ASTE1: variants seen among roughly 807,000 people sequenced by gnomAD.
ASTE1 encodes asteroid structure-specific endonuclease 1, also known as single-strand DNA endonuclease ASTE1.
A neutral mutation model predicts 45.8 loss-of-function variants in ASTE1; 49 were observed. The observed-to-expected ratio is 1.07, with a 90% confidence interval of 0.85 to 1.36. ASTE1 has a LOEUF of 1.36. Ranked by LOEUF, ASTE1 falls within the 40% of genes most tolerant of loss-of-function variation. The probability of loss-of-function intolerance (pLI) is 0.00; values close to 1 mark genes in which losing one functional copy is unlikely to be tolerated. For synonymous variants in ASTE1, 296 were observed against 303.9 expected (o/e 0.97, Z 0.27); for missense variants, 709 against 804.0 (o/e 0.88, Z 1.43).
rs745757966 is a variant in ASTE1 at position 131,018,622 on chromosome 3, A to G, written c.1397T>C (p.Ile466Thr). 6 of 1,614,030 alleles carry G rather than the reference A, an allele frequency of 3.7e-6. No individual in the cohort carries two copies. The highest frequency in any genetic ancestry group is 2.2e-5 in the East Asian group (1 of 44,864). Residue 466 changes from isoleucine to threonine, a missense_variant, in exon 4 of 6, where the codon ATT becomes ACT. Physicochemically the swap from Ile to Thr is moderately conservative, Grantham distance 89. Transcript: ENST00000264992. ...CTGCAACCAGTAGCAACTGACAGCAATGGGCAACTTCAGTGAAGTAGGGAT... is the reference window on the plus strand; with the variant it reads ...CTGCAACCAGTAGCAACTGACAGCAGTGGGCAACTTCAGTGAAGTAGGGAT... ...EPIPTSLKLP[I>T]AVSCYWLQHT...
At chr3:131,020,333 C>G (rs2063725360) in intron 3 of ASTE1, among the ~76,000 whole-genome samples, 1 of 152,220 alleles carries the variant, frequency 6.6e-6, no homozygotes, top group East Asian at 1.9e-4. Context: ...GTGACAACTA[C>G]TTTCCCTCTT....
chr3:131,016,860 C>T (rs763475895), intron 4 of ASTE1: 1 of 584,562 alleles, frequency 1.7e-6, no homozygotes, highest in South Asian at 1.9e-5. Context: ...GGATAAGGGG[C>T]AAGAAGCAAC....
Position 131,025,184 on chromosome 3 carries a change from G to A in ASTE1, c.123C>T (p.Phe41=), listed in dbSNP as rs777786983. 7.3e-5 allele frequency: 118 copies of A among 1,614,110 alleles called. No individual in the cohort carries two copies. Among genetic ancestry groups the A allele is most frequent in the Non-Finnish European group, 7.5e-5 (89 of 1,180,036 alleles). The change falls in exon 3 of 6, where the codon TTC becomes TTT. Residue 41 remains phenylalanine, a synonymous_variant. Transcript: ENST00000264992. ...DGYALFHRLC[F]SSNLDLRYGG... Reference sequence around the variant, plus strand: ...CATACCGGAGATCCAAGTTTGAACTGAAGCAAAGACGGTGGAAAAGAGCAT... The same window carrying A: ...CATACCGGAGATCCAAGTTTGAACTAAAGCAAAGACGGTGGAAAAGAGCAT...
chr3:131,025,477 G>T lies in ASTE1; in HGVS notation c.-29C>A. On this transcript the variant is annotated 5_prime_UTR_variant, in exon 2 of 6. Coordinates refer to ENST00000264992, the MANE Select transcript of ASTE1 (RefSeq NM_014065.4). ...TATCAACATCATAAATTCTTACCTA[G>T]ATCCTCAAGCAATGTTAGCTGTGCT... 9.1e-7 allele frequency: 1 copy of T among 1,098,122 alleles called. No individual in the cohort carries two copies. Among genetic ancestry groups the T allele is most frequent in the Non-Finnish European group, 1.2e-6 (1 of 814,044 alleles). The allele number at this position is 1,098,122 out of a possible 1,614,324, so 68.0% of individuals were successfully genotyped here.
At chr3:131,016,951 C>T in intron 4 of ASTE1, 1 of 1,267,072 alleles carries the variant, frequency 7.9e-7, no homozygotes, top group Non-Finnish European at 1.0e-6. Context: ...CACAAAATAA[C>T]ATCTGGACCA....
At position 131,014,000 on chromosome 3, in the gene ASTE1, G is replaced by T. The variant is rs1434244486; in HGVS notation, c.*57C>A. 3.1e-6 allele frequency: 4 copies of T among 1,309,138 alleles called. No homozygotes were observed. In the African/African-American group the frequency reaches 4.5e-5, roughly 15 times the overall value. 81.1% of individuals were successfully genotyped at this position (1,309,138 alleles called of 1,614,324 possible). A position where few individuals can be genotyped will look rare whatever the true frequency, so the allele number is the denominator to read the frequency against. ...AGCTAATTGTTTCAAGGGTGGTAACGGAAGAATTTTAAGTAAGGATTATAT... is the reference window on the plus strand; with the variant it reads ...AGCTAATTGTTTCAAGGGTGGTAACTGAAGAATTTTAAGTAAGGATTATAT... On this transcript the variant is annotated 3_prime_UTR_variant, in exon 6 of 6. Transcript: ENST00000264992.
At position 131,025,312 on chromosome 3, in the gene ASTE1, C is replaced by T. The variant is rs1053870330; in HGVS notation, c.-6G>A. On this transcript the variant is annotated 5_prime_UTR_variant, in exon 3 of 6. Transcript: ENST00000264992. The stretch of plus-strand genomic sequence containing the variant: ...ATTAGTCCTCGGATACCCATGATGA[C>T]AGTCTAAAGAATTAATCGCCTGTTT... The T allele has an allele frequency of 9.3e-6, 15 of 1,604,820 alleles. No individual in the cohort carries two copies. Among genetic ancestry groups the T allele is most frequent in the Non-Finnish European group, 1.1e-5 (13 of 1,174,764 alleles).
chr3:131,024,410 G>A lies in ASTE1; in HGVS notation c.897C>T (p.Tyr299=), dbSNP rs780797444. The A allele has an allele frequency of 1.2e-6, 2 of 1,614,168 alleles. No homozygotes were observed. Among genetic ancestry groups the A allele is most frequent in the Non-Finnish European group, 1.7e-6 (2 of 1,180,028 alleles). Residue 299 remains tyrosine, a synonymous_variant, in exon 3 of 6, where the codon TAC becomes TAT. Transcript: ENST00000264992. ...CCTGTAGCTTCACCTGGGACTGTTG[G>A]TATTCTTCCATGGAACAGCAGAGAA... The part of the protein sequence containing the change: ...KELLCCSMEE[Y]QQSQVKLQDF...
At chr3:131,025,920 C>G (rs2063855422) in intron 1 of ASTE1, among the ~76,000 whole-genome samples, 1 of 152,272 alleles carries the variant, frequency 6.6e-6, no homozygotes, top group South Asian at 2.1e-4. Context: ...AGGAAAACTG[C>G]TTCATGCCTC....
Position 131,015,332 on chromosome 3 carries a change from AATCT to A in ASTE1, c.1709+808_1709+811del, listed in dbSNP as rs2063562731. ...CTGAGTGGAGAGACAAACAAAACAC[AATCT>A]ATCTCCTTTTTATCTTCATCTCTCC... On this transcript the variant is annotated intron_variant, in intron 5 of 5. Transcript: ENST00000264992. 18 of 648,374 alleles carry A rather than the reference AATCT, an allele frequency of 2.8e-5. No individual in the cohort carries two copies. The South Asian group carries it at 2.9e-4, about 11-fold the overall frequency. The allele number at this position is 648,374 out of a possible 1,614,324, so 40.2% of individuals were successfully genotyped here.
chr3:131,014,494 T>C, intron 5 of ASTE1, 107 bp from the exon 6 acceptor site: 19 of 1,003,196 alleles, frequency 1.9e-5, no homozygotes, highest in Admixed American at 3.0e-5. Context: ...TGAGAGCTCT[T>C]ATTGCTCTAT....
intron 4 of ASTE1, chr3:131,017,004 C>T (rs764761653): frequency 5.4e-6 from 7 of 1,289,330 alleles, no homozygotes; most frequent in South Asian, 3.7e-5. Flanking sequence ...TACCAACTAG[C>T]GAGGAGCAAG....
intron 4 of ASTE1, among the ~76,000 whole-genome samples, chr3:131,017,210 AT>A (rs1212940584): frequency 1.6e-4 from 24 of 152,170 alleles, no homozygotes; most frequent in Non-Finnish European, 2.8e-4. Flanking sequence ...GACTTAACTG[AT>A]TTGTTTTGTG....
Position 131,016,432 on chromosome 3 carries a change from G to T in ASTE1, c.1514-93C>A, listed in dbSNP as rs867834225. On this transcript the variant is annotated intron_variant, in intron 4 of 5. Coordinates refer to ENST00000264992, the MANE Select transcript of ASTE1 (RefSeq NM_014065.4). ...ATATACTACAAATTCTATAAAGAAA[G>T]AAATTAATTTAAAAAAACTAAGATG... The T allele has an allele frequency of 2.2e-5, 30 of 1,386,554 alleles. No individual in the cohort carries two copies. In the Admixed American group the frequency reaches 5.2e-4, roughly 24 times the overall value. The allele number at this position is 1,386,554 out of a possible 1,614,324, so 85.9% of individuals were successfully genotyped here.
chr3:131,019,822 C>A (rs1045558380), intron 3 of ASTE1, among the ~76,000 whole-genome samples: 9 of 152,122 alleles, frequency 5.9e-5, no homozygotes, highest in African/African-American at 2.2e-4. Flanking sequence ...ATCATTAATG[C>A]ATGAAAACTT....
At chr3:131,015,578 T>C (rs1304057132) in intron 5 of ASTE1, among the ~76,000 whole-genome samples, 1 of 152,238 alleles carries the variant, frequency 6.6e-6, no homozygotes, top group African/African-American at 2.4e-5. Flanking sequence ...TTAAGTTCAC[T>C]TGGGCATCTA....
chr3:131,025,469 C>G lies in ASTE1; in HGVS notation c.-26+5G>C. On this transcript the variant is annotated splice_donor_5th_base_variant and intron_variant, in intron 2 of 5. Coordinates refer to ENST00000264992, the MANE Select transcript of ASTE1 (RefSeq NM_014065.4). ...AACATAGATATCAACATCATAAATT[C>G]TTACCTAGATCCTCAAGCAATGTTA... The G allele has an allele frequency of 8.6e-7, 1 of 1,165,640 alleles. No individual in the cohort carries two copies. The highest frequency in any genetic ancestry group is 1.1e-6 in the Non-Finnish European group (1 of 871,966). The allele number at this position is 1,165,640 out of a possible 1,614,324, so 72.2% of individuals were successfully genotyped here. A position where few individuals can be genotyped will look rare whatever the true frequency, so the allele number is the denominator to read the frequency against.
intron 3 of ASTE1, 143 bp downstream of exon 3, chr3:131,023,862 T>C: frequency 1.2e-6 from 1 of 836,976 alleles, no homozygotes; most frequent in Non-Finnish European, 1.8e-6. Context: ...TCACTCAAGT[T>C]CTAGATTTCT....
At position 131,024,313 on chromosome 3, in the gene ASTE1, CCA is replaced by C; in HGVS notation, c.992_993del (p.Val331GlyfsTer4). 1 of 1,614,200 alleles carries C rather than the reference CCA, an allele frequency of 6.2e-7. No homozygotes were observed. Among genetic ancestry groups the C allele is most frequent in the Non-Finnish European group, 8.5e-7 (1 of 1,180,034 alleles). On this transcript the variant is annotated frameshift_variant, in exon 3 of 6. Transcript: ENST00000264992. LOFTEE classifies it high-confidence loss of function. Reference protein sequence around the residue: ...LNLGLPEWVLVALAKGQLSPF... With the variant: ...LNLGLPEWVLXALAKGQLSPF... ...GGAGATAGCTGGCCTTTAGCTAAAGCCACTAATACCCATTCTGGTAAACCAAG... is the reference window on the plus strand; with the variant it reads ...GGAGATAGCTGGCCTTTAGCTAAAGCCTAATACCCATTCTGGTAAACCAAG...
Sources: allele counts gnomAD v4.1 joint callset (sites outside exome capture counted in the v4.1 genomes callset), GRCh38; gene constraint gnomAD v4.1.1; transcripts MANE v1.5; gene names NCBI Gene and HGNC (gene_info 2026-07-23, HGNC 2026-07-21).